CTNNA3: variants seen among roughly 807,000 people sequenced by gnomAD.
The protein encoded by CTNNA3 is catenin alpha-3.
In CTNNA3, 76 loss-of-function variants were observed where a neutral mutation model predicts 95.7. The ratio of observed to expected loss-of-function variants is 0.79; its 90% CI spans 0.66 to 0.96. The LOEUF is 0.96. Among genes scored for constraint, CTNNA3 ranks in the 40% least tolerant of loss-of-function variants. The pLI is 0.00. For synonymous variants in CTNNA3, 431 were observed against 374.4 expected, an observed-to-expected ratio of 1.15 and a Z score of -1.74; for missense variants, 1,191 against 1,089.8, an observed-to-expected ratio of 1.09 and a Z score of -1.31.
chr10:66,112,439 T>A (rs2082156568), intron 13 of CTNNA3, among the ~76,000 whole-genome samples: 1 of 152,144 alleles, frequency 6.6e-6, no homozygotes, highest in South Asian at 2.1e-4. Context: ...CTCTATTTTG[T>A]TATTATTTTT....
At chr10:67,032,740 T>C (rs1472808130) in intron 7 of CTNNA3, among the ~76,000 whole-genome samples, 1 of 152,108 alleles carries the variant, frequency 6.6e-6, no homozygotes, top group Non-Finnish European at 1.5e-5. Flanking sequence ...AGCCAAATAA[T>C]AAAATGTCTT....
At chr10:65,953,511 A>G (rs1357079100) in intron 17 of CTNNA3, among the ~76,000 whole-genome samples, 2 of 151,986 alleles carry the variant, frequency 1.3e-5, no homozygotes, top group Non-Finnish European at 2.9e-5. Flanking sequence ...CATTAGGTAT[A>G]TCTCCTAATG....
At chr10:67,097,783 A>G in intron 7 of CTNNA3, 1 of 1,612,318 alleles carries the variant, frequency 6.2e-7, no homozygotes. Flanking sequence ...GACCATAAAC[A>G]GCAGCTAGCT....
chr10:67,215,235 T>A (rs913861736), intron 6 of CTNNA3, among the ~76,000 whole-genome samples: 3 of 152,160 alleles, frequency 2.0e-5, no homozygotes, highest in Non-Finnish European at 4.4e-5. Flanking sequence ...TAGATAGCTC[T>A]GCCTGGTCAA....
At chr10:67,256,837 T>C (rs957594887) in intron 5 of CTNNA3, among the ~76,000 whole-genome samples, 2 of 152,122 alleles carry the variant, frequency 1.3e-5, no homozygotes, top group African/African-American at 2.4e-5. Flanking sequence ...ATCATGGACA[T>C]TAAAAATACC....
intron 7 of CTNNA3, among the ~76,000 whole-genome samples, chr10:67,041,739 T>C (rs984604109): frequency 1.3e-5 from 2 of 152,166 alleles, no homozygotes; most frequent in Non-Finnish European, 2.9e-5. Context: ...AGCTAGGCCT[T>C]GATGACTCAT....
chr10:66,587,274 G>A (rs74143425), intron 10 of CTNNA3, among the ~76,000 whole-genome samples: 2,877 of 152,250 alleles, frequency 0.019, 72 homozygotes, highest in African/African-American at 0.059. Context: ...CTGAGTGCTG[G>A]GTTATTGTTT....
chr10:67,177,389 C>T (rs11812420), intron 7 of CTNNA3, among the ~76,000 whole-genome samples: 2,781 of 152,234 alleles, frequency 0.018, 45 homozygotes, highest in Non-Finnish European at 0.029. Context: ...TCTGGCTGGA[C>T]GCAACAGATT....
At chr10:66,104,690 T>C (rs2081812486) in intron 13 of CTNNA3, among the ~76,000 whole-genome samples, 1 of 152,194 alleles carries the variant, frequency 6.6e-6, no homozygotes, top group Admixed American at 6.5e-5. Context: ...AGAAAATAAG[T>C]ATTTAGGTTT....
At chr10:66,584,829 C>G (rs899420476) in intron 10 of CTNNA3, among the ~76,000 whole-genome samples, 1 of 151,954 alleles carries the variant, frequency 6.6e-6, no homozygotes, top group Non-Finnish European at 1.5e-5. Context: ...GTAACAACAA[C>G]TTGTTTCAAG....
At chr10:66,223,796 T>C (rs917618215) in intron 13 of CTNNA3, among the ~76,000 whole-genome samples, 5 of 152,180 alleles carry the variant, frequency 3.3e-5, no homozygotes, top group African/African-American at 1.2e-4. Context: ...TCTTTCAGCC[T>C]GTTTCTGGAT....
chr10:67,618,782 T>C (rs1909655), intron 2 of CTNNA3, among the ~76,000 whole-genome samples: 13,722 of 152,232 alleles, frequency 0.09, 916 homozygotes, highest in East Asian at 0.25. Flanking sequence ...TATATTCAGT[T>C]TAAGATTGAT....
Position 66,631,299 on chromosome 10 carries a change from C to A in CTNNA3, c.1282-9515G>T, listed in dbSNP as rs949723850. On this transcript the variant is annotated intron_variant, in intron 9 of 17. Transcript: ENST00000433211. ...GTTTTACTGCTTATGTAACTGATAA[C>A]AAAATTAGACAGAAATTAGACAAAG... Among the ~76,000 whole-genome samples the A allele has an allele frequency of 9.9e-5, 15 of 152,026 alleles. 1 individual carries two copies. The highest frequency in any genetic ancestry group is 2.7e-4 in the African/African-American group (11 of 41,384).
At chr10:66,694,482 C>G (rs1847682418) in intron 9 of CTNNA3, among the ~76,000 whole-genome samples, 1 of 152,100 alleles carries the variant, frequency 6.6e-6, no homozygotes, top group African/African-American at 2.4e-5. Flanking sequence ...AACTTACCAA[C>G]CAAAAAGAGT....
At chr10:67,065,241 A>G (rs536258778) in intron 7 of CTNNA3, among the ~76,000 whole-genome samples, 1 of 152,332 alleles carries the variant, frequency 6.6e-6, no homozygotes, top group Admixed American at 6.5e-5. Flanking sequence ...TTGACCATAC[A>G]CATGCTGTAT....
chr10:66,425,869 CCAGAA>C (rs1273316467), intron 11 of CTNNA3, among the ~76,000 whole-genome samples: 1 of 152,036 alleles, frequency 6.6e-6, no homozygotes, highest in Non-Finnish European at 1.5e-5. Context: ...TACCAGCTCC[CCAGAA>C]GCTCCTTCGT....
intron 5 of CTNNA3, among the ~76,000 whole-genome samples, chr10:67,520,712 T>C (rs1257863868): frequency 2.6e-5 from 4 of 152,172 alleles, no homozygotes; most frequent in African/African-American, 9.7e-5. Flanking sequence ...ATATAACCCC[T>C]AGGAAAATAA....
intron 7 of CTNNA3, among the ~76,000 whole-genome samples, chr10:67,082,859 T>C (rs566707989): frequency 6.6e-6 from 1 of 152,246 alleles, no homozygotes; most frequent in South Asian, 2.1e-4. Flanking sequence ...TGGACCACAA[T>C]ATTATGAGTC....
intron 11 of CTNNA3, among the ~76,000 whole-genome samples, chr10:66,484,473 G>A (rs1414849992): frequency 6.6e-6 from 1 of 151,920 alleles, no homozygotes; most frequent in East Asian, 1.9e-4. Flanking sequence ...AAGAATAAAG[G>A]AGTGTCTGAA....
Sources: gnomAD v4.1 joint callset for allele counts (sites outside exome capture counted in the v4.1 genomes callset) on GRCh38, gnomAD v4.1.1 for gene constraint, MANE v1.5 for transcripts, NCBI Gene and HGNC (gene_info 2026-07-23, HGNC 2026-07-21) for gene names.